GRID2: variants seen among roughly 807,000 people sequenced by gnomAD.
The protein encoded by GRID2 is glutamate ionotropic receptor delta type subunit 2, also known as glutamate receptor ionotropic, delta-2.
GRID2 carries 33 observed loss-of-function variants against 114.8 expected under a neutral mutation model. That is an observed-to-expected ratio of 0.29 (90% CI 0.22 to 0.38). GRID2 has a LOEUF of 0.38. Ranked by LOEUF, GRID2 falls within the 10% of genes least tolerant of loss-of-function variation. The probability of loss-of-function intolerance (pLI) is 1.00; values close to 1 mark genes in which losing one functional copy is unlikely to be tolerated. For missense variants in GRID2, 1,184 were observed against 1,257.7 expected (o/e 0.94, Z 0.89); for synonymous variants, 505 against 449.9 (o/e 1.12, Z -1.55).
At chr4:93,568,036 A>G (rs1045255976) in intron 13 of GRID2, among the ~76,000 whole-genome samples, 4 of 152,186 alleles carry the variant, frequency 2.6e-5, no homozygotes, top group Admixed American at 6.5e-5. Flanking sequence ...GTATGAGCCT[A>G]AAAGTCAGTC....
intron 1 of GRID2, among the ~76,000 whole-genome samples, chr4:92,373,488 G>A (rs970809556): frequency 5.9e-5 from 9 of 152,230 alleles, no homozygotes; most frequent in African/African-American, 2.2e-4. Context: ...GCTTCCAGCT[G>A]TGAGGGGCTT....
intron 13 of GRID2, among the ~76,000 whole-genome samples, chr4:93,523,827 A>C (rs1730572764): frequency 6.6e-6 from 1 of 152,122 alleles, no homozygotes; most frequent in African/African-American, 2.4e-5. Context: ...TGCTAGACTT[A>C]AGGATGAAGC....
intron 1 of GRID2, among the ~76,000 whole-genome samples, chr4:92,546,290 T>C (rs1726256754): frequency 6.6e-6 from 1 of 152,152 alleles, no homozygotes; most frequent in African/African-American, 2.4e-5. Flanking sequence ...GGAAAAATAT[T>C]GTCTGCTTGT....
intron 10 of GRID2, among the ~76,000 whole-genome samples, chr4:93,450,182 A>C (rs1161671208): frequency 6.6e-6 from 1 of 151,898 alleles, no homozygotes; most frequent in Non-Finnish European, 1.5e-5. Context: ...TGAGGGACAG[A>C]AAATCATATC....
At chr4:92,579,403 G>T (rs1190917963) in intron 1 of GRID2, among the ~76,000 whole-genome samples, 1 of 151,694 alleles carries the variant, frequency 6.6e-6, no homozygotes, top group Non-Finnish European at 1.5e-5. Flanking sequence ...CCATGTCTTG[G>T]TGTCAAACTG....
chr4:92,693,000 G>A (rs1281340576), intron 2 of GRID2, among the ~76,000 whole-genome samples: 1 of 148,002 alleles, frequency 6.8e-6, no homozygotes, highest in Non-Finnish European at 1.5e-5. Flanking sequence ...TCCAGCCTGG[G>A]CGATAGAGCG....
At chr4:92,384,370 A>G (rs1729766695) in intron 1 of GRID2, among the ~76,000 whole-genome samples, 1 of 129,274 alleles carries the variant, frequency 7.7e-6, no homozygotes, top group Non-Finnish European at 1.6e-5. Flanking sequence ...TCTGTGAATC[A>G]GCCATTGTGG....
intron 2 of GRID2, among the ~76,000 whole-genome samples, chr4:92,771,632 T>C (rs922647766): frequency 2.6e-5 from 4 of 152,224 alleles, no homozygotes; most frequent in Middle Eastern, 3.2e-3. Flanking sequence ...ATAAGTTTTA[T>C]GCAACTTTAT....
At chr4:93,645,359 A>G (rs1722013840) in intron 14 of GRID2, among the ~76,000 whole-genome samples, 1 of 152,172 alleles carries the variant, frequency 6.6e-6, no homozygotes. Flanking sequence ...TGATATACCC[A>G]TATAAGGAAA....
chr4:92,690,775 G>GT (rs1579850756), intron 2 of GRID2, among the ~76,000 whole-genome samples: 2 of 151,572 alleles, frequency 1.3e-5, no homozygotes, highest in East Asian at 3.9e-4. Flanking sequence ...ATATTTCTTA[G>GT]TACCCTCATT....
chr4:93,171,929 C>A (rs1401470036), intron 4 of GRID2, among the ~76,000 whole-genome samples: 1 of 152,102 alleles, frequency 6.6e-6, no homozygotes, highest in East Asian at 1.9e-4. Context: ...CATCACATTT[C>A]AATATAGCTC....
chr4:93,315,674 G>A (rs1756502297), intron 8 of GRID2, among the ~76,000 whole-genome samples: 1 of 152,008 alleles, frequency 6.6e-6, no homozygotes, highest in African/African-American at 2.4e-5. Flanking sequence ...CACATTGTAG[G>A]CACTTAATAA....
rs185823101 is a variant in GRID2 at position 92,946,620 on chromosome 4, T to C, written c.245-138375T>C. 4.6e-4 allele frequency among the ~76,000 whole-genome samples: 70 copies of C among 152,224 alleles called. No individual in the cohort carries two copies. In the East Asian group the frequency reaches 7.9e-3, roughly 17 times the overall value. On this transcript the variant is annotated intron_variant, in intron 2 of 15. Transcript: ENST00000282020. ...GCATATTACTCAGCAATATTGGCTT[T>C]AGCTGATTATATCCAGCAATGAATG...
chr4:93,618,983 C>G (rs965774582), intron 13 of GRID2, among the ~76,000 whole-genome samples: 1 of 152,112 alleles, frequency 6.6e-6, no homozygotes, highest in Non-Finnish European at 1.5e-5. Flanking sequence ...TCCAAAAGAA[C>G]AGGCAAGAAA....
intron 8 of GRID2, among the ~76,000 whole-genome samples, chr4:93,364,379 T>C (rs1015363512): frequency 2.0e-5 from 3 of 152,150 alleles, no homozygotes; most frequent in African/African-American, 7.2e-5. Context: ...TAAACTATCA[T>C]ACTTGGGTTA....
intron 3 of GRID2, among the ~76,000 whole-genome samples, chr4:93,098,825 T>A (rs1302263365): frequency 6.6e-6 from 1 of 151,950 alleles, no homozygotes; most frequent in Non-Finnish European, 1.5e-5. Flanking sequence ...CAGTTTATTA[T>A]GATAATGATG....
chr4:92,532,622 A>G (rs1203452065), intron 1 of GRID2, among the ~76,000 whole-genome samples: 1 of 152,178 alleles, frequency 6.6e-6, no homozygotes, highest in Non-Finnish European at 1.5e-5. Flanking sequence ...TTGACAATAG[A>G]TGGCCTCTAA....
At chr4:93,676,146 A>G (rs76273721) in intron 14 of GRID2, among the ~76,000 whole-genome samples, 4,661 of 152,342 alleles carry the variant, frequency 0.031, 112 homozygotes, top group African/African-American at 0.062. Context: ...AGATAGACCA[A>G]TGGAACTTTC....
intron 14 of GRID2, among the ~76,000 whole-genome samples, chr4:93,666,618 G>A (rs1723971682): frequency 6.6e-6 from 1 of 152,026 alleles, no homozygotes; most frequent in South Asian, 2.1e-4. Context: ...AGAGGATATA[G>A]CTAAAGGTAA....
Sources: allele counts gnomAD v4.1 joint callset (sites outside exome capture counted in the v4.1 genomes callset), GRCh38; gene constraint gnomAD v4.1.1; transcripts MANE v1.5; gene names NCBI Gene and HGNC (gene_info 2026-07-23, HGNC 2026-07-21).